EYA1: variants seen among roughly 807,000 people sequenced by gnomAD.
EYA1 encodes protein phosphatase EYA1.
Under a neutral mutation model 82.0 loss-of-function variants are expected in EYA1, and 16 were observed. That is an observed-to-expected ratio of 0.20 (90% CI 0.13 to 0.30). The LOEUF is 0.30. Ranked by LOEUF, EYA1 falls within the 10% of genes least tolerant of loss-of-function variation. The pLI, the probability that EYA1 is intolerant of heterozygous loss-of-function variation, is 1.00. For missense variants in EYA1, 633 were observed against 730.7 expected, an observed-to-expected ratio of 0.87 and a Z score of 1.54; for synonymous variants, 261 against 264.4, an observed-to-expected ratio of 0.99 and a Z score of 0.12.
At chr8:71,283,591 A>G (rs1193664979) in intron 9 of EYA1, among the ~76,000 whole-genome samples, 1 of 152,030 alleles carries the variant, frequency 6.6e-6, no homozygotes, top group African/African-American at 2.4e-5. Context: ...CAAAATGCAC[A>G]TGATCATTGA....
At chr8:71,404,917 C>CAAAAAAAA (rs766716754) in intron 2 of EYA1, 1 of 40,900 alleles carries the variant, frequency 2.4e-5, no homozygotes, top group Non-Finnish European at 5.1e-5. Flanking sequence ...GACTCCACCT[C>CAAAAAAAA]AAAAAAAAAA....
chr8:71,248,126 G>A (rs1008460775), intron 11 of EYA1, among the ~76,000 whole-genome samples: 1 of 152,084 alleles, frequency 6.6e-6, no homozygotes, highest in African/African-American at 2.4e-5. Flanking sequence ...GTTCAGTCTA[G>A]TGGTAAAATA....
chr8:71,202,268 A>G (rs1296407771), intron 17 of EYA1, among the ~76,000 whole-genome samples: 1 of 151,928 alleles, frequency 6.6e-6, no homozygotes, highest in African/African-American at 2.4e-5. Context: ...AAATCCAGCT[A>G]CTTCTTTGGT....
intron 9 of EYA1, among the ~76,000 whole-genome samples, chr8:71,286,760 C>T (rs1029458615): frequency 2.7e-5 from 4 of 149,806 alleles, no homozygotes; most frequent in Non-Finnish European, 4.4e-5. Flanking sequence ...TTCAAAGTTA[C>T]GTGTGATAGT....
At chr8:71,484,101 T>C (rs1231620037) in intron 2 of EYA1, among the ~76,000 whole-genome samples, 1 of 152,186 alleles carries the variant, frequency 6.6e-6, no homozygotes, top group Non-Finnish European at 1.5e-5. Flanking sequence ...GAAGGTAATA[T>C]AGCAGGATAG....
At chr8:71,302,886 C>A (rs1820351880) in intron 7 of EYA1, among the ~76,000 whole-genome samples, 1 of 141,718 alleles carries the variant, frequency 7.1e-6, no homozygotes, top group African/African-American at 2.5e-5. Flanking sequence ...AAAAAAGTAA[C>A]TTTTAATGGC....
intron 2 of EYA1, among the ~76,000 whole-genome samples, chr8:71,397,157 C>G (rs1426902260): frequency 1.3e-5 from 2 of 152,132 alleles, no homozygotes; most frequent in Non-Finnish European, 2.9e-5. Context: ...CTTTCTCCAT[C>G]CCTTTATTTT....
chr8:71,461,987 G>A (rs1256521789), intron 2 of EYA1, among the ~76,000 whole-genome samples: 1 of 152,154 alleles, frequency 6.6e-6, no homozygotes, highest in Non-Finnish European at 1.5e-5. Context: ...CCTCAGAGGG[G>A]AGGAAGTGCA....
In EYA1 at chr8:71,484,459, C is replaced by T. The variant is rs559184570; in HGVS notation, c.33+51285G>A. Among the ~76,000 whole-genome samples, 5 of 152,268 alleles carry T rather than the reference C, an allele frequency of 3.3e-5. No homozygotes were observed. The East Asian group carries it at 9.7e-4, about 29-fold the overall frequency. On this transcript the variant is annotated intron_variant, in intron 2 of 18. Transcript: ENST00000643681. Reference sequence around the variant, plus strand: ...TTGGTCAATGGGCTGGCTGTAATGGCTTGGTTATGCCATTGGTAATAACTT... The same window carrying T: ...TTGGTCAATGGGCTGGCTGTAATGGTTTGGTTATGCCATTGGTAATAACTT...
intron 2 of EYA1, among the ~76,000 whole-genome samples, chr8:71,438,187 T>C (rs904347436): frequency 2.0e-5 from 3 of 152,022 alleles, no homozygotes; most frequent in Non-Finnish European, 2.9e-5. Context: ...TAGAACAAAA[T>C]TGCCTTTAAT....
At chr8:71,300,794 G>A (rs1467047983) in intron 7 of EYA1, among the ~76,000 whole-genome samples, 2 of 152,038 alleles carry the variant, frequency 1.3e-5, no homozygotes, top group Non-Finnish European at 2.9e-5. Context: ...GATGTTTAAT[G>A]GCATGAGAAA....
chr8:71,237,302 G>T (rs188106350), intron 12 of EYA1, among the ~76,000 whole-genome samples: 10 of 152,176 alleles, frequency 6.6e-5, no homozygotes, highest in Admixed American at 4.6e-4. Context: ...CGCCCTGATT[G>T]ATTATTAGAA....
chr8:71,347,436 C>T (rs1338963939), intron 3 of EYA1, among the ~76,000 whole-genome samples: 3 of 152,172 alleles, frequency 2.0e-5, no homozygotes, highest in Admixed American at 6.5e-5. Context: ...CATTCTCCTG[C>T]CTCAGCCTCC....
At chr8:71,513,747 T>C (rs1335974802) in intron 2 of EYA1, among the ~76,000 whole-genome samples, 1 of 152,106 alleles carries the variant, frequency 6.6e-6, no homozygotes, top group Non-Finnish European at 1.5e-5. Flanking sequence ...CCACCTCCTC[T>C]CCAGCTCCTC....
chr8:71,431,660 T>C (rs2129161410), intron 2 of EYA1, among the ~76,000 whole-genome samples: 1 of 152,276 alleles, frequency 6.6e-6, no homozygotes, highest in Admixed American at 6.5e-5. Context: ...CCTCCCTTCT[T>C]TTTGAGGAAA....
intron 4 of EYA1, among the ~76,000 whole-genome samples, chr8:71,329,930 G>A (rs796265896): frequency 4.6e-5 from 7 of 152,154 alleles, no homozygotes; most frequent in South Asian, 2.1e-4. Context: ...GAGCTGCACC[G>A]AGTCAAGTGG....
intron 12 of EYA1, among the ~76,000 whole-genome samples, chr8:71,219,677 A>C (rs1809646339): frequency 6.6e-6 from 1 of 152,188 alleles, no homozygotes; most frequent in Non-Finnish European, 1.5e-5. Flanking sequence ...ATGCTTACTT[A>C]TTAACATTTT....
At chr8:71,451,552 T>C (rs1426711475) in intron 2 of EYA1, among the ~76,000 whole-genome samples, 2 of 152,202 alleles carry the variant, frequency 1.3e-5, no homozygotes, top group African/African-American at 4.8e-5. Flanking sequence ...ATTATTTTTG[T>C]TTTTTCAAAT....
At chr8:71,260,206 T>C (rs1435479672) in intron 11 of EYA1, among the ~76,000 whole-genome samples, 1 of 152,184 alleles carries the variant, frequency 6.6e-6, no homozygotes, top group African/African-American at 2.4e-5. Flanking sequence ...ACAAAATAAG[T>C]AAACACATAA....
Sources: allele counts gnomAD v4.1 joint callset (sites outside exome capture counted in the v4.1 genomes callset), GRCh38; gene constraint gnomAD v4.1.1; transcripts MANE v1.5; gene names NCBI Gene and HGNC (gene_info 2026-07-23, HGNC 2026-07-21).